The following SPMIP2 variants were observed in gnomAD, a reference collection of about 807,000 sequenced individuals.
SPMIP2 encodes protein SPMIP2.
At chr4:159,071,137 C>CA in the SPMIP2 span, among the ~76,000 whole-genome samples, 7 of 151,604 alleles carry the variant, frequency 4.6e-5, 1 homozygote, top group African/African-American at 1.7e-4. Flanking sequence ...AATTTTGGAG[C>CA]AAAAAAAATT....
At chr4:158,986,522 C>A in the SPMIP2 span, among the ~76,000 whole-genome samples, 3 of 151,862 alleles carry the variant, frequency 2.0e-5, no homozygotes, top group Admixed American at 6.6e-5. Flanking sequence ...TTGAGAAAAG[C>A]AATGGAGAAA....
chr4:159,013,477 C>T, the SPMIP2 span, among the ~76,000 whole-genome samples: 1 of 152,226 alleles, frequency 6.6e-6, no homozygotes, highest in African/African-American at 2.4e-5. Context: ...GGGTTGGTGA[C>T]TGGTGAGCCC....
chr4:159,010,099 C>T, the SPMIP2 span, among the ~76,000 whole-genome samples: 1 of 152,174 alleles, frequency 6.6e-6, no homozygotes, highest in Non-Finnish European at 1.5e-5. Flanking sequence ...TAAACATATG[C>T]CCTGATGTAT....
the SPMIP2 span, chr4:159,007,878 T>G: frequency 2.2e-5 from 11 of 495,392 alleles, no homozygotes; most frequent in Non-Finnish European, 3.9e-5. Flanking sequence ...ATGTTGTGTG[T>G]GGGAAAAAAA....
At chr4:158,984,942 A>G in the SPMIP2 span, among the ~76,000 whole-genome samples, 5 of 152,074 alleles carry the variant, frequency 3.3e-5, no homozygotes, top group African/African-American at 1.2e-4. Context: ...AAAAAATGAT[A>G]AAGGGGATAT....
At chr4:158,950,275 C>T in the SPMIP2 span, among the ~76,000 whole-genome samples, 1 of 152,176 alleles carries the variant, frequency 6.6e-6, no homozygotes, top group East Asian at 1.9e-4. Flanking sequence ...CTTTCATTTG[C>T]ACATATTGAA....
chr4:158,917,590 C>T, the SPMIP2 span, among the ~76,000 whole-genome samples: 20 of 151,964 alleles, frequency 1.3e-4, no homozygotes, highest in African/African-American at 4.6e-4. Context: ...ATTTCCTCTG[C>T]TTGTGATTCC....
chr4:158,960,421 C>A, the SPMIP2 span: 3 of 801,444 alleles, frequency 3.7e-6, no homozygotes, highest in East Asian at 2.7e-5. Context: ...TATTTCTAGT[C>A]AAAAAAGGAA....
At chr4:158,957,505 C>G in the SPMIP2 span, among the ~76,000 whole-genome samples, 1 of 152,184 alleles carries the variant, frequency 6.6e-6, no homozygotes, top group Admixed American at 6.5e-5. Context: ...CAGCTCACTG[C>G]AACCTCCATC....
At chr4:159,005,310 G>C in the SPMIP2 span, among the ~76,000 whole-genome samples, 1 of 151,468 alleles carries the variant, frequency 6.6e-6, no homozygotes, top group Non-Finnish European at 1.5e-5. Context: ...CGGGCATGGT[G>C]GTGAGTGTCT....
the SPMIP2 span, among the ~76,000 whole-genome samples, chr4:158,977,700 T>C: frequency 7.0e-6 from 1 of 143,256 alleles, no homozygotes; most frequent in Non-Finnish European, 1.5e-5. Context: ...CTGCAAGCTC[T>C]GCCTCCCGGG....
chr4:159,006,885 G>GCA, the SPMIP2 span, among the ~76,000 whole-genome samples: 1 of 152,208 alleles, frequency 6.6e-6, no homozygotes, highest in Non-Finnish European at 1.5e-5. Context: ...CGAGGGCTGA[G>GCA]GGTCCTCCCT....
chr4:158,995,718 G>A, the SPMIP2 span, among the ~76,000 whole-genome samples: 21 of 151,972 alleles, frequency 1.4e-4, no homozygotes, highest in Non-Finnish European at 2.9e-4. Flanking sequence ...TTAGCTGGGC[G>A]TGGTGGCGTG....
At chr4:158,959,732 T>C in the SPMIP2 span, among the ~76,000 whole-genome samples, 2 of 152,206 alleles carry the variant, frequency 1.3e-5, no homozygotes, top group Non-Finnish European at 2.9e-5. Context: ...ATGTTATACC[T>C]AGATGACAAG....
At chr4:159,081,306 A>T in the SPMIP2 span, among the ~76,000 whole-genome samples, 5 of 151,994 alleles carry the variant, frequency 3.3e-5, no homozygotes, top group African/African-American at 1.2e-4. Flanking sequence ...CCCAAAGTGC[A>T]GGGATTACAG....
At chr4:158,966,707 G>C in the SPMIP2 span, among the ~76,000 whole-genome samples, 1 of 152,152 alleles carries the variant, frequency 6.6e-6, no homozygotes, top group South Asian at 2.1e-4. Flanking sequence ...GCCTTAACAA[G>C]AGTTCATAAC....
chr4:159,070,924 A>G, the SPMIP2 span, among the ~76,000 whole-genome samples: 3 of 152,180 alleles, frequency 2.0e-5, no homozygotes, highest in Non-Finnish European at 4.4e-5. Context: ...AGCATGCTGG[A>G]ACCATTCGTT....
chr4:158,948,304 A>G, the SPMIP2 span, among the ~76,000 whole-genome samples: 3 of 152,144 alleles, frequency 2.0e-5, no homozygotes, highest in African/African-American at 7.2e-5. Flanking sequence ...TTGGGGGGAA[A>G]AAAAGCTTGG....
At chr4:158,923,953 A>G in the SPMIP2 span, among the ~76,000 whole-genome samples, 1 of 152,176 alleles carries the variant, frequency 6.6e-6, no homozygotes, top group Non-Finnish European at 1.5e-5. Context: ...TAGGACCTAT[A>G]AGGAGATAAT....
Sources: allele counts gnomAD v4.1 joint callset (sites outside exome capture counted in the v4.1 genomes callset), GRCh38; gene constraint gnomAD v4.1.1; transcripts MANE v1.5; gene names NCBI Gene and HGNC (gene_info 2026-07-23, HGNC 2026-07-21).